CAMSAP1: variants seen among roughly 807,000 people sequenced by gnomAD.
CAMSAP1 encodes the protein calmodulin-regulated spectrin-associated protein 1.
CAMSAP1 carries 58 observed loss-of-function variants against 143.5 expected under a neutral mutation model. The ratio of observed to expected loss-of-function variants is 0.40; its 90% CI spans 0.33 to 0.50. CAMSAP1 has a LOEUF of 0.50. Among genes scored for constraint, CAMSAP1 ranks in the 20% least tolerant of loss-of-function variants. CAMSAP1 has a pLI of 0.45. For missense variants in CAMSAP1, 1,969 were observed against 2,115.7 expected, an observed-to-expected ratio of 0.93 and a Z score of 1.36; for synonymous variants, 945 against 859.3, an observed-to-expected ratio of 1.10 and a Z score of -1.74.
intron 3 of CAMSAP1, among the ~76,000 whole-genome samples, chr9:135,878,807 C>G (rs1169635076): frequency 6.6e-6 from 1 of 152,030 alleles, no homozygotes; most frequent in Non-Finnish European, 1.5e-5. Flanking sequence ...AGGACTCGCA[C>G]CCGGGAGAAA....
chr9:135,885,605 T>C (rs993026054), intron 1 of CAMSAP1, among the ~76,000 whole-genome samples: 20 of 152,198 alleles, frequency 1.3e-4, no homozygotes, highest in African/African-American at 4.8e-4. Context: ...AAAGCAACCA[T>C]GGCTCTGATT....
chr9:135,886,486 A>G (rs1405579029), intron 1 of CAMSAP1, among the ~76,000 whole-genome samples: 1 of 152,158 alleles, frequency 6.6e-6, no homozygotes, highest in African/African-American at 2.4e-5. Context: ...TGTTAAGAGA[A>G]TTTCAGCAAG....
chr9:135,861,397 C>T (rs1837187965), intron 5 of CAMSAP1, among the ~76,000 whole-genome samples: 1 of 151,256 alleles, frequency 6.6e-6, no homozygotes. Flanking sequence ...ACCACAATGT[C>T]TGCCTCCCAG....
At chr9:135,854,054 G>A (rs564323766) in intron 5 of CAMSAP1, among the ~76,000 whole-genome samples, 12 of 152,364 alleles carry the variant, frequency 7.9e-5, no homozygotes, top group African/African-American at 2.9e-4. Context: ...CAGTGTCAGG[G>A]AATAATCCCC....
At chr9:135,863,766 C>T (rs979910675) in intron 4 of CAMSAP1, among the ~76,000 whole-genome samples, 2 of 152,186 alleles carry the variant, frequency 1.3e-5, no homozygotes, top group Non-Finnish European at 1.5e-5. Flanking sequence ...CACTACAAAA[C>T]GTGACCCGCC....
At chr9:135,865,880 G>A (rs1837360725) in intron 4 of CAMSAP1, among the ~76,000 whole-genome samples, 4 of 152,216 alleles carry the variant, frequency 2.6e-5, no homozygotes, top group African/African-American at 9.7e-5. Flanking sequence ...CCTTATAGAT[G>A]GTCGGGCTGC....
Position 135,869,521 on chromosome 9 carries a change from A to AAG in CAMSAP1, c.586-2986_586-2985insCT, listed in dbSNP as rs532260999. Among the ~76,000 whole-genome samples the AAG allele has an allele frequency of 3.1e-4, 47 of 152,030 alleles. No homozygotes were observed. In the South Asian group the frequency reaches 9.8e-3, roughly 32 times the overall value. ...CAGTCTCAAACAAAAAAAAAAAAAAACAGCCAGAAAATAACAAATGTTAGC... is the reference window on the plus strand; with the variant it reads ...CAGTCTCAAACAAAAAAAAAAAAAAAAGCAGCCAGAAAATAACAAATGTTAGC... On this transcript the variant is annotated intron_variant, in intron 3 of 16. Coordinates refer to ENST00000389532, the MANE Select transcript of CAMSAP1 (RefSeq NM_015447.4).
Position 135,822,660 on chromosome 9 carries a change from T to C in CAMSAP1, c.2001A>G (p.Thr667=), listed in dbSNP as rs754050578. 7 of 1,608,880 alleles carry C rather than the reference T, an allele frequency of 4.4e-6. No individual in the cohort carries two copies. The African/African-American group carries it at 8.1e-5, about 19-fold the overall frequency. ...EFPMGIDPTE[T]GPLSVETAGE... The stretch of plus-strand genomic sequence containing the variant: ...CTGCGGTTTCCACTGACAGTGGTCC[T>C]GTCTCGGTGGGGTCGATGCCCATGG... The change falls in exon 11 of 17, where the codon ACA becomes ACG. Residue 667 remains threonine (T), a synonymous_variant. Transcript: ENST00000389532. The surrounding 1 kb of genome is among the most constrained non-coding windows in gnomAD (Gnocchi z 6.1).
chr9:135,818,239 A>G lies in CAMSAP1; in HGVS notation c.4169-160T>C, dbSNP rs1207986079. 1 of 1,106,926 alleles carries G rather than the reference A, an allele frequency of 9.0e-7. No homozygotes were observed. The highest frequency in any genetic ancestry group is 1.3e-6 in the Non-Finnish European group (1 of 782,296). 68.6% of individuals were successfully genotyped at this position (1,106,926 alleles called of 1,614,324 possible). A position where few individuals can be genotyped will look rare whatever the true frequency, so the allele number is the denominator to read the frequency against. On this transcript the variant is annotated intron_variant, in intron 13 of 16. Transcript: ENST00000389532. The surrounding 1 kb of genome is among the most constrained non-coding windows in gnomAD (Gnocchi z 7.7). ...GCCGGGCTGCGCCTGGATGTGCCGCACATCTCAGAGCATCTGGTCTCAACA... is the reference window on the plus strand; with the variant it reads ...GCCGGGCTGCGCCTGGATGTGCCGCGCATCTCAGAGCATCTGGTCTCAACA...
chr9:135,874,487 G>GA (rs1443102724), intron 3 of CAMSAP1, among the ~76,000 whole-genome samples: 2 of 148,266 alleles, frequency 1.3e-5, no homozygotes, highest in East Asian at 2.0e-4. Context: ...AAGGGGGGGG[G>GA]GGGCCACAGG....
In CAMSAP1 at chr9:135,823,112, G is replaced by A. The variant is rs775437275; in HGVS notation, c.1549C>T (p.Pro517Ser). The change falls in exon 11 of 17, where the codon CCA (proline) becomes TCA (serine). Residue 517 changes from proline to serine, a missense_variant. Physicochemically the swap from Pro to Ser is moderately conservative, Grantham distance 74. This residue lies in a region of CAMSAP1 where 1,390 missense variants were observed against 1,420.8 expected (regional missense o/e 0.98). Coordinates refer to ENST00000389532, the MANE Select transcript of CAMSAP1 (RefSeq NM_015447.4). The stretch of plus-strand genomic sequence containing the variant: ...TGGCTCTTCGTGGCCGTGGGGTGTG[G>A]CTGGTTCTGTGGGGTCAGATTAACA... ...NIVNLTPQNQ[P>S]HPTATKSHGK... 2 of 1,614,012 alleles carry A rather than the reference G, an allele frequency of 1.2e-6. No homozygotes were observed. The highest frequency in any genetic ancestry group is 3.3e-5 in the Admixed American group (2 of 60,024).
intron 3 of CAMSAP1, among the ~76,000 whole-genome samples, chr9:135,875,830 C>T (rs1837727325): frequency 6.6e-6 from 1 of 152,122 alleles, no homozygotes; most frequent in Non-Finnish European, 1.5e-5. Flanking sequence ...AACAAAAAAA[C>T]GTCTAGAAGA....
chr9:135,821,498 C>T lies in CAMSAP1; in HGVS notation c.3163G>A (p.Val1055Ile), dbSNP rs1835458435. 3 of 1,614,066 alleles carry T rather than the reference C, an allele frequency of 1.9e-6. No homozygotes were observed. Among genetic ancestry groups the T allele is most frequent in the Middle Eastern group, 1.6e-4 (1 of 6,062 alleles). ...QEQLLMKSPT[V>I]PVPGSKNNSQ... ...TTATTCTTAGAGCCTGGCACTGGGA[C>T]TGTGGGGGACTTCATCAGAAGCTGC... Residue 1055 changes from valine to isoleucine, a missense_variant, in exon 11 of 17, where the codon GTC (valine) becomes ATC (isoleucine). This residue lies in a region of CAMSAP1 where 1,390 missense variants were observed against 1,420.8 expected (regional missense o/e 0.98). Transcript: ENST00000389532. This position sits in a 1 kb window ranked among gnomAD's most constrained non-coding sequence, Gnocchi z 4.6.
rs968578501 is a variant in CAMSAP1 at position 135,821,879 on chromosome 9, G to C, written c.2782C>G (p.Pro928Ala). The C allele has an allele frequency of 2.5e-6, 4 of 1,613,880 alleles. No homozygotes were observed. Among genetic ancestry groups the C allele is most frequent in the Admixed American group, 1.7e-5 (1 of 60,010 alleles). The change falls in exon 11 of 17, where the codon CCA (proline) becomes GCA (alanine). Residue 928 changes from proline (P) to alanine (A), a missense_variant. Physicochemically the swap from Pro to Ala is conservative, Grantham distance 27. Coordinates refer to ENST00000389532, the MANE Select transcript of CAMSAP1 (RefSeq NM_015447.4). The surrounding 1 kb of genome is among the most constrained non-coding windows in gnomAD (Gnocchi z 4.6). ...VVKKGKAEAA[P>A]PLRPEHFAKE... ...GCAAAGTGCTCCGGCCTGAGGGGTGGGGCAGCCTCGGCCTTGCCCTTCTTC... is the reference window on the plus strand; with the variant it reads ...GCAAAGTGCTCCGGCCTGAGGGGTGCGGCAGCCTCGGCCTTGCCCTTCTTC...
intron 4 of CAMSAP1, 103 bp downstream of exon 4, chr9:135,866,353 G>A: frequency 1.5e-6 from 1 of 676,660 alleles, no homozygotes; most frequent in Non-Finnish European, 2.6e-6. Flanking sequence ...TCTTTGGTGA[G>A]TAAAAATAGA....
intron 1 of CAMSAP1, among the ~76,000 whole-genome samples, chr9:135,883,849 T>C (rs548406375): frequency 6.6e-6 from 1 of 152,202 alleles, no homozygotes; most frequent in African/African-American, 2.4e-5. Flanking sequence ...GAGACCAGCC[T>C]GAACCCACAC....
chr9:135,887,063 G>T (rs866377791), intron 1 of CAMSAP1, among the ~76,000 whole-genome samples: 1 of 152,174 alleles, frequency 6.6e-6, no homozygotes, highest in South Asian at 2.1e-4. Context: ...AGCTGGAGAC[G>T]TGCTTTGGAA....
At chr9:135,816,119 G>A in intron 14 of CAMSAP1, 114 bp from the exon 15 acceptor site, 1 of 897,672 alleles carries the variant, frequency 1.1e-6, no homozygotes, top group Non-Finnish European at 1.7e-6. Context: ...AGGGGAGGAG[G>A]CTTTCGGTGA....
intron 1 of CAMSAP1, among the ~76,000 whole-genome samples, 177 bp downstream of exon 1, chr9:135,906,823 C>A (rs1838795585): frequency 6.6e-6 from 1 of 151,878 alleles, no homozygotes. Flanking sequence ...CGCGTCCCCA[C>A]GCTCCGCGTT....
Sources: allele counts gnomAD v4.1 joint callset (sites outside exome capture counted in the v4.1 genomes callset), GRCh38; gene constraint gnomAD v4.1.1; regional missense constraint gnomAD v4.1.1; non-coding constraint Gnocchi (gnomAD v3.1); transcripts MANE v1.5; gene names NCBI Gene and HGNC (gene_info 2026-07-23, HGNC 2026-07-21).